ASAP1: variants seen among roughly 807,000 people sequenced by gnomAD.
ASAP1 encodes the protein arf-GAP with SH3 domain, ANK repeat and PH domain-containing protein 1.
In ASAP1, 43 loss-of-function variants were observed where a neutral mutation model predicts 145.2. The observed-to-expected ratio is 0.30, with a 90% confidence interval of 0.23 to 0.38. The LOEUF (loss-of-function observed/expected upper bound fraction) is 0.38, where lower values mean the gene tolerates loss of function less well. ASAP1 is among the 10% of genes least tolerant of loss of function. The pLI, the probability that ASAP1 is intolerant of heterozygous loss-of-function variation, is 1.00. For missense variants in ASAP1, 1,018 were observed against 1,355.3 expected (o/e 0.75, Z 3.91); for synonymous variants, 546 against 515.5 (o/e 1.06, Z -0.80).
At chr8:130,090,412 G>A (rs539829158) in intron 25 of ASAP1, among the ~76,000 whole-genome samples, 17 of 152,274 alleles carry the variant, frequency 1.1e-4, no homozygotes, top group African/African-American at 3.8e-4. Flanking sequence ...TGGGGATCCC[G>A]AAGGCCTTAC....
intron 5 of ASAP1, among the ~76,000 whole-genome samples, chr8:130,203,280 T>C (rs1258599740): frequency 6.6e-6 from 1 of 152,232 alleles, no homozygotes; most frequent in East Asian, 1.9e-4. Flanking sequence ...GGCAAGAAGA[T>C]GCCAGATGCA....
intron 28 of ASAP1, among the ~76,000 whole-genome samples, chr8:130,060,036 C>T (rs147266245): frequency 0.028 from 4,058 of 144,246 alleles, 66 homozygotes; most frequent in Middle Eastern, 0.049. Context: ...TGTGATCGCA[C>T]CACTGCACTC....
Position 130,053,332 on chromosome 8 carries a change from C to T in ASAP1, c.*1399G>A, listed in dbSNP as rs1446311659. 1 of 152,214 alleles carries T rather than the reference C, an allele frequency of 6.6e-6. No individual in the cohort carries two copies. 9.4% of individuals were successfully genotyped at this position (152,214 alleles called of 1,614,324 possible). A position where few individuals can be genotyped will look rare whatever the true frequency, so the allele number is the denominator to read the frequency against. On this transcript the variant is annotated 3_prime_UTR_variant, in exon 30 of 30. Coordinates refer to ENST00000518721, the MANE Select transcript of ASAP1 (RefSeq NM_018482.4). ...TGAGCCTCGGACTCAGGGAACAGTT[C>T]CACTGACTGTGGAGTACAACTATTG...
At chr8:130,096,253 C>T (rs532061002) in intron 24 of ASAP1, among the ~76,000 whole-genome samples, 1 of 152,250 alleles carries the variant, frequency 6.6e-6, no homozygotes, top group African/African-American at 2.4e-5. Flanking sequence ...ACCAGTCCCA[C>T]AGCATTAAAA....
chr8:130,153,332 A>ATATATATATAT (rs2097650637), intron 12 of ASAP1, among the ~76,000 whole-genome samples: 1 of 87,512 alleles, frequency 1.1e-5, no homozygotes, highest in African/African-American at 4.4e-5. Context: ...CTGCTTTTTA[A>ATATATATATAT]ATATATATAT....
At chr8:130,337,164 G>C (rs1825087967) in intron 3 of ASAP1, among the ~76,000 whole-genome samples, 1 of 152,106 alleles carries the variant, frequency 6.6e-6, no homozygotes, top group East Asian at 1.9e-4. Flanking sequence ...TTGGTAAAAG[G>C]GTGAGATTAA....
intron 27 of ASAP1, among the ~76,000 whole-genome samples, chr8:130,075,273 C>T (rs2097459706): frequency 6.6e-6 from 1 of 152,212 alleles, no homozygotes; most frequent in South Asian, 2.1e-4. Context: ...CAGGGGAAGT[C>T]TTGCATCTGT....
chr8:130,158,795 G>C (rs537241889), intron 12 of ASAP1, among the ~76,000 whole-genome samples: 135 of 151,484 alleles, frequency 8.9e-4, no homozygotes, highest in African/African-American at 2.9e-3. Flanking sequence ...GCAGTGGTGC[G>C]ATCTCAGCTC....
intron 15 of ASAP1, among the ~76,000 whole-genome samples, chr8:130,129,860 G>A (rs2097580464): frequency 6.6e-6 from 1 of 152,182 alleles, no homozygotes; most frequent in African/African-American, 2.4e-5. Flanking sequence ...TTCATATGCA[G>A]AAGGAATGGG....
At chr8:130,264,222 G>A (rs541741849) in intron 3 of ASAP1, among the ~76,000 whole-genome samples, 18 of 152,148 alleles carry the variant, frequency 1.2e-4, no homozygotes, top group African/African-American at 2.7e-4. Context: ...GCTAAACAAC[G>A]GAGGCTCCTA....
At chr8:130,417,407 G>C (rs1243477055) in intron 1 of ASAP1, among the ~76,000 whole-genome samples, 1 of 152,230 alleles carries the variant, frequency 6.6e-6, no homozygotes, top group Non-Finnish European at 1.5e-5. Context: ...TTCATGTGCT[G>C]GGTCGGGACA....
At chr8:130,289,996 C>T (rs575948655) in intron 3 of ASAP1, among the ~76,000 whole-genome samples, 33 of 152,216 alleles carry the variant, frequency 2.2e-4, no homozygotes, top group Non-Finnish European at 4.7e-4. Flanking sequence ...TATAATTGCA[C>T]GTACCCCATT....
chr8:130,209,330 C>T (rs1008238675), intron 5 of ASAP1, among the ~76,000 whole-genome samples: 1 of 152,158 alleles, frequency 6.6e-6, no homozygotes, highest in South Asian at 2.1e-4. Flanking sequence ...ATTTCTGACA[C>T]CAGTGGTTCT....
chr8:130,344,833 AC>A (rs1245983155), intron 3 of ASAP1, among the ~76,000 whole-genome samples: 6 of 152,214 alleles, frequency 3.9e-5, no homozygotes, highest in Non-Finnish European at 7.4e-5. Flanking sequence ...CGCAAAACAG[AC>A]TATAAAAGGT....
rs923652257 is a variant in ASAP1 at position 130,053,763 on chromosome 8, A to G, written c.*968T>C. 2 of 152,252 alleles carry G rather than the reference A, an allele frequency of 1.3e-5. No homozygotes were observed. Among genetic ancestry groups the G allele is most frequent in the African/African-American group, 4.8e-5 (2 of 41,478 alleles). The allele number at this position is 152,252 out of a possible 1,614,324, so 9.4% of individuals were successfully genotyped here. ...CAACACATCTGAGAGATGTGCATTC[A>G]TAACACAATATGTCAATCCATACTC... On this transcript the variant is annotated 3_prime_UTR_variant, in exon 30 of 30. Coordinates refer to ENST00000518721, the MANE Select transcript of ASAP1 (RefSeq NM_018482.4).
chr8:130,224,119 C>T (rs1817453499), intron 4 of ASAP1, among the ~76,000 whole-genome samples: 1 of 152,120 alleles, frequency 6.6e-6, no homozygotes, highest in Non-Finnish European at 1.5e-5. Flanking sequence ...AGTGCTGAGC[C>T]TGGCACATAG....
intron 25 of ASAP1, among the ~76,000 whole-genome samples, chr8:130,087,216 T>C (rs942165068): frequency 5.9e-5 from 9 of 152,118 alleles, no homozygotes; most frequent in South Asian, 2.1e-4. Context: ...AAGAGGGGTA[T>C]AGGCTTCACA....
At position 130,064,283 on chromosome 8, in the gene ASAP1, G is replaced by T. The variant is rs148246369; in HGVS notation, c.2702-3214C>A. ...TAGCTGACAACGGTGGAGATGATGA[G>T]AAGTGACTGGGTTTTAAATAGATGT... On this transcript the variant is annotated intron_variant, in intron 27 of 29. Coordinates refer to ENST00000518721, the MANE Select transcript of ASAP1 (RefSeq NM_018482.4). Among the ~76,000 whole-genome samples, 367 of 151,810 alleles carry T rather than the reference G, an allele frequency of 2.4e-3. 2 individuals are homozygous for T. Among genetic ancestry groups the T allele is most frequent in the Admixed American group, 7.8e-3 (119 of 15,278 alleles).
intron 3 of ASAP1, among the ~76,000 whole-genome samples, chr8:130,258,059 G>A (rs1819674569): frequency 6.6e-6 from 1 of 152,112 alleles, no homozygotes; most frequent in South Asian, 2.1e-4. Context: ...TCCTATAGAA[G>A]GCCCTGGTTG....
Sources: gnomAD v4.1 joint callset for allele counts (sites outside exome capture counted in the v4.1 genomes callset) on GRCh38, gnomAD v4.1.1 for gene constraint, MANE v1.5 for transcripts, NCBI Gene and HGNC (gene_info 2026-07-23, HGNC 2026-07-21) for gene names.